Variants in GRIA2 observed in about 807,000 individuals in gnomAD.
GRIA2 encodes the protein glutamate receptor 2.
Under a neutral mutation model 97.3 loss-of-function variants are expected in GRIA2, and 14 were observed. That is an observed-to-expected ratio of 0.14 (90% CI 0.10 to 0.23). GRIA2 has a LOEUF of 0.23. GRIA2 is among the 10% of genes least tolerant of loss of function. The pLI is 1.00. For synonymous variants in GRIA2, 412 were observed against 387.8 expected (o/e 1.06, Z -0.73); for missense variants, 558 against 1,069.8 (o/e 0.52, Z 6.67).
chr4:157,245,535 G>A (rs1312964320), intron 2 of GRIA2, among the ~76,000 whole-genome samples: 3 of 151,782 alleles, frequency 2.0e-5, no homozygotes, highest in Non-Finnish European at 4.4e-5. Flanking sequence ...TAATAACTTT[G>A]GAAAAATGAA....
In GRIA2 at chr4:157,338,008, GTATATATATATATATATATATA is replaced by G. The variant is rs70958818; in HGVS notation, c.1844+1282_1844+1303del. On this transcript the variant is annotated intron_variant, in intron 11 of 15. Coordinates refer to ENST00000264426, the MANE Select transcript of GRIA2 (RefSeq NM_001083619.3). ...ATGACATATGTGTGTATATATATGTGTATATATATATATATATATATATATATATATATATATATATACACAC... is the reference window on the plus strand; with the variant it reads ...ATGACATATGTGTGTATATATATGTGTATATATATATATATATATACACAC... Among the ~76,000 whole-genome samples, 13 of 79,326 alleles carry G rather than the reference GTATATATATATATATATATATA, an allele frequency of 1.6e-4. No homozygotes were observed. The East Asian group carries it at 2.5e-3, about 15-fold the overall frequency. The allele number at this position is 79,326 out of a possible 152,430, so 52.0% of individuals were successfully genotyped here.
At chr4:157,362,592 G>T in intron 14 of GRIA2, 1 of 609,560 alleles carries the variant, frequency 1.6e-6, no homozygotes, top group South Asian at 1.9e-5. Context: ...AGTCGATTGA[G>T]TCCACCAAAA....
chr4:157,363,359 T>C (rs1736721409), intron 15 of GRIA2, 76 bp from the exon 16 acceptor site: 2 of 999,678 alleles, frequency 2.0e-6, no homozygotes, highest in African/African-American at 1.7e-5. Flanking sequence ...AAAACAACCC[T>C]GCCTTTCCTC....
intron 2 of GRIA2, among the ~76,000 whole-genome samples, chr4:157,279,122 T>G (rs1001679391): frequency 1.3e-5 from 2 of 152,138 alleles, no homozygotes; most frequent in African/African-American, 4.8e-5. Flanking sequence ...TCCAAATGAT[T>G]TGAAAATATG....
chr4:157,256,604 G>T (rs192879507), intron 2 of GRIA2, among the ~76,000 whole-genome samples: 35 of 151,820 alleles, frequency 2.3e-4, no homozygotes, highest in African/African-American at 8.4e-4. Flanking sequence ...GGAGCAACTG[G>T]AACACAAATG....
intron 2 of GRIA2, chr4:157,249,699 G>A (rs1730938706): frequency 6.6e-6 from 1 of 152,132 alleles, no homozygotes; most frequent in South Asian, 2.1e-4. Context: ...TATGCTTAAC[G>A]CTTCCATTGT....
chr4:157,248,636 C>T (rs1436781367), intron 2 of GRIA2, among the ~76,000 whole-genome samples: 17 of 107,210 alleles, frequency 1.6e-4, no homozygotes, highest in African/African-American at 5.7e-4. Flanking sequence ...TATATATATA[C>T]ACCTGTATAT....
At position 157,364,523 on chromosome 4, in the gene GRIA2, G is replaced by C. The variant is rs1157069074; in HGVS notation, c.*1092G>C. 6.6e-6 allele frequency: 1 copy of C among 151,816 alleles called. No homozygotes were observed. Among genetic ancestry groups the C allele is most frequent in the Non-Finnish European group, 1.5e-5 (1 of 67,762 alleles). The allele number at this position is 151,816 out of a possible 1,614,324, so 9.4% of individuals were successfully genotyped here. On this transcript the variant is annotated 3_prime_UTR_variant, in exon 16 of 16. Coordinates refer to ENST00000264426, the MANE Select transcript of GRIA2 (RefSeq NM_001083619.3). Reference sequence around the variant, plus strand: ...AACACAAAAGCATTTGATCTATGTAGATAAATGCTAATAGATTTAAAAAGC... The same window carrying C: ...AACACAAAAGCATTTGATCTATGTACATAAATGCTAATAGATTTAAAAAGC...
chr4:157,269,338 TG>T (rs1406975348), intron 2 of GRIA2, among the ~76,000 whole-genome samples: 1 of 152,074 alleles, frequency 6.6e-6, no homozygotes, highest in Non-Finnish European at 1.5e-5. Context: ...TTATCATAGT[TG>T]TTAATAAAGT....
chr4:157,357,752 G>A (rs893257319), intron 12 of GRIA2, among the ~76,000 whole-genome samples: 2 of 151,994 alleles, frequency 1.3e-5, no homozygotes, highest in Admixed American at 6.6e-5. Context: ...CAAAGACAGC[G>A]ATCAACAGCT....
At chr4:157,280,556 T>C (rs902014050) in intron 2 of GRIA2, among the ~76,000 whole-genome samples, 1 of 152,120 alleles carries the variant, frequency 6.6e-6, no homozygotes, top group Non-Finnish European at 1.5e-5. Context: ...CTAGTGTTTC[T>C]TAGGTTCACT....
At chr4:157,237,867 A>T (rs1297751077) in intron 2 of GRIA2, among the ~76,000 whole-genome samples, 1 of 152,098 alleles carries the variant, frequency 6.6e-6, no homozygotes, top group Non-Finnish European at 1.5e-5. Flanking sequence ...CAGTAATATC[A>T]CTTAAATGGA....
Position 157,332,845 on chromosome 4 carries a change from C to A in GRIA2, c.909C>A (p.Ala303=). The change falls in exon 7 of 16, where the codon GCC becomes GCA. Residue 303 remains alanine (A), a synonymous_variant. Transcript: ENST00000264426. ...ATACTTCTGCTCTGACCTATGATGC[C>A]GTTCAAGTGATGACTGAAGCCTTCC... ...IKYTSALTYD[A]VQVMTEAFRN... is the part of the protein sequence containing the mutation. 6.2e-7 allele frequency: 1 copy of A among 1,612,242 alleles called. No individual in the cohort carries two copies. The highest frequency in any genetic ancestry group is 8.5e-7 in the Non-Finnish European group (1 of 1,178,718).
At chr4:157,334,317 T>C in intron 9 of GRIA2, 197 bp downstream of exon 9, 1 of 509,464 alleles carries the variant, frequency 2.0e-6, no homozygotes, top group Non-Finnish European at 3.6e-6. Flanking sequence ...CCATTTTCTT[T>C]AAGGAACGCT....
At chr4:157,245,580 A>G (rs776455028) in intron 2 of GRIA2, among the ~76,000 whole-genome samples, 9 of 152,086 alleles carry the variant, frequency 5.9e-5, no homozygotes, top group Non-Finnish European at 1.2e-4. Context: ...TGCTAGAAAC[A>G]TAAGTGAAAT....
chr4:157,351,244 C>G (rs1402384352), intron 12 of GRIA2, among the ~76,000 whole-genome samples: 1 of 152,058 alleles, frequency 6.6e-6, no homozygotes, highest in African/African-American at 2.4e-5. Context: ...ATATGATATA[C>G]TTTTCAAGTG....
At chr4:157,240,590 A>G (rs79811107) in intron 2 of GRIA2, among the ~76,000 whole-genome samples, 13 of 152,202 alleles carry the variant, frequency 8.5e-5, no homozygotes, top group African/African-American at 2.9e-4. Flanking sequence ...CTGCCCGTCA[A>G]CTGGGACCTT....
intron 2 of GRIA2, among the ~76,000 whole-genome samples, chr4:157,229,305 G>C (rs1370267706): frequency 6.6e-6 from 1 of 151,748 alleles, no homozygotes; most frequent in Admixed American, 6.6e-5. Context: ...TAATTTTCTT[G>C]GGTGAAACAC....
intron 2 of GRIA2, among the ~76,000 whole-genome samples, chr4:157,302,922 A>C (rs1037539436): frequency 6.6e-6 from 1 of 152,220 alleles, no homozygotes; most frequent in Non-Finnish European, 1.5e-5. Flanking sequence ...TATGTAGTGT[A>C]ACATATAGGG....
Sources: gnomAD v4.1 joint callset for allele counts (sites outside exome capture counted in the v4.1 genomes callset) on GRCh38, gnomAD v4.1.1 for gene constraint, MANE v1.5 for transcripts, NCBI Gene and HGNC (gene_info 2026-07-23, HGNC 2026-07-21) for gene names.